ZNF665: variants seen among roughly 807,000 people sequenced by gnomAD.
The protein encoded by ZNF665 is zinc finger protein 665.
Under a neutral mutation model 7.9 loss-of-function variants are expected in ZNF665, and 6 were observed. The ratio of observed to expected loss-of-function variants is 0.76; its 90% confidence interval spans 0.42 to 1.50. The LOEUF (loss-of-function observed/expected upper bound fraction) is 1.50. ZNF665 is among the 40% of genes most tolerant of loss of function. The probability of loss-of-function intolerance (pLI) is 0.01; values close to 1 mark genes in which losing one functional copy is unlikely to be tolerated. For missense variants in ZNF665, 819 were observed against 806.7 expected, an observed-to-expected ratio of 1.02 and a Z score of -0.18; for synonymous variants, 242 against 274.5, an observed-to-expected ratio of 0.88 and a Z score of 1.17.
chr19:53,166,652 T>C (rs568783484), intron 3 of ZNF665, among the ~76,000 whole-genome samples: 1 of 152,276 alleles, frequency 6.6e-6, no homozygotes, highest in East Asian at 1.9e-4. Context: ...AGGCTACCAA[T>C]TGGCAGTATA....
At chr19:53,189,072 T>TGTGA (rs2090793883) in intron 1 of ZNF665, among the ~76,000 whole-genome samples, 1 of 151,750 alleles carries the variant, frequency 6.6e-6, no homozygotes, top group Non-Finnish European at 1.5e-5. Flanking sequence ...TGTGTGTGTG[T>TGTGA]GTGTGTGTGT....
chr19:53,178,494 C>G (rs976538256), intron 2 of ZNF665, among the ~76,000 whole-genome samples: 1 of 152,128 alleles, frequency 6.6e-6, no homozygotes, highest in Admixed American at 6.5e-5. Context: ...GAGGCCAAGG[C>G]AGGCAGATTG....
chr19:53,180,712 T>C (rs979260653), intron 2 of ZNF665: 3 of 152,158 alleles, frequency 2.0e-5, no homozygotes, highest in Non-Finnish European at 4.4e-5. Context: ...CTGAAATGCA[T>C]GAATTGTACT....
rs903778855 is a variant in ZNF665 at position 53,174,128 on chromosome 19, A to G, written c.142+1317T>C. 9.8e-5 allele frequency among the ~76,000 whole-genome samples: 15 copies of G among 152,312 alleles called. No homozygotes were observed. The South Asian group carries it at 3.1e-3, about 32-fold the overall frequency. On this transcript the variant is annotated intron_variant, in intron 3 of 3. Transcript: ENST00000396424. ...TCATGAAATGGGATAAAGTATGGAT[A>G]GAGGCACTTGCCAAAACTATGGAGT...
intron 1 of ZNF665, among the ~76,000 whole-genome samples, chr19:53,189,053 G>GTGTGTGTGTC (rs71185844): frequency 0.2 from 27,821 of 139,302 alleles, 2,980 homozygotes; most frequent in Admixed American, 0.25. Context: ...TTTATTTTCT[G>GTGTGTGTGTC]TGTGTGTGTG....
At chr19:53,185,124 C>G (rs1292630852) in intron 1 of ZNF665, among the ~76,000 whole-genome samples, 1 of 151,800 alleles carries the variant, frequency 6.6e-6, no homozygotes, top group Non-Finnish European at 1.5e-5. Context: ...TGCGGGCGAG[C>G]CTGACTGATG....
intron 1 of ZNF665, among the ~76,000 whole-genome samples, chr19:53,192,332 C>T (rs1168267346): frequency 1.3e-5 from 2 of 152,092 alleles, no homozygotes; most frequent in Non-Finnish European, 2.9e-5. Flanking sequence ...CTCCTTGTCA[C>T]CAGCTGCCCC....
rs183640210 is a variant in ZNF665 at position 53,169,785 on chromosome 19, T to C, written c.143-3438A>G. The stretch of plus-strand genomic sequence containing the variant: ...ACCTATGAGTGAGAATATGCGGTGT[T>C]TGGTTTTTTGTTCTTGCAATAGTTT... On this transcript the variant is annotated intron_variant, in intron 3 of 3. Transcript: ENST00000396424. Among the ~76,000 whole-genome samples, 1,133 of 149,726 alleles carry C rather than the reference T, an allele frequency of 7.6e-3. 7 individuals carry two copies. Among genetic ancestry groups the C allele is most frequent in the Non-Finnish European group, 0.013 (909 of 67,674 alleles).
chr19:53,165,241 A>C lies in ZNF665; in HGVS notation c.1249T>G (p.Leu417Val). Reference sequence around the variant, plus strand: ...GTATGAATTCTTCGATGATTTGCTAAGTGTGAATACTGAGTGAAAACCTTG... The same window carrying C: ...GTATGAATTCTTCGATGATTTGCTACGTGTGAATACTGAGTGAAAACCTTG... Reference protein sequence around the residue: ...CVKVFTQYSHLANHRRIHTGE... With the variant: ...CVKVFTQYSHVANHRRIHTGE... The change falls in exon 4 of 4, where the codon TTA becomes GTA. Residue 417 changes from leucine (L) to valine (V), a missense_variant. Transcript: ENST00000396424. 1 of 1,610,630 alleles carries C rather than the reference A, an allele frequency of 6.2e-7. No homozygotes were observed.
chr19:53,171,524 A>ATTT (rs1215685651), intron 3 of ZNF665, among the ~76,000 whole-genome samples: 1,610 of 69,416 alleles, frequency 0.023, 52 homozygotes, highest in Middle Eastern at 0.04. Flanking sequence ...ATATATATAT[A>ATTT]TTTTTTTTTT....
chr19:53,183,087 C>A, intron 1 of ZNF665, 144 bp from the exon 2 acceptor site: 1 of 861,018 alleles, frequency 1.2e-6, no homozygotes, highest in Non-Finnish European at 1.9e-6. Flanking sequence ...TGGTCCTCTG[C>A]TGCCCACTGC....
Position 53,182,932 on chromosome 19 carries a change from C to T in ZNF665, c.-34G>A. 6.2e-7 allele frequency: 1 copy of T among 1,607,366 alleles called. No individual in the cohort carries two copies. The highest frequency in any genetic ancestry group is 8.5e-7 in the Non-Finnish European group (1 of 1,179,736). ...CCTTTGCCTTCCTCTTCCTCTTCTTCCAGGGTTCTACCTTGGGTAACATGA... is the reference window on the plus strand; with the variant it reads ...CCTTTGCCTTCCTCTTCCTCTTCTTTCAGGGTTCTACCTTGGGTAACATGA... On this transcript the variant is annotated 5_prime_UTR_variant, in exon 2 of 4. Transcript: ENST00000396424.
At chr19:53,178,608 TAAAGAAGTACAAGA>T (rs2090714993) in intron 2 of ZNF665, among the ~76,000 whole-genome samples, 1 of 151,774 alleles carries the variant, frequency 6.6e-6, no homozygotes, top group Non-Finnish European at 1.5e-5. Flanking sequence ...TACAAACAAA[TAAAGAAGTACAAGA>T]AATGAGAGAA....
At position 53,165,656 on chromosome 19, in the gene ZNF665, A is replaced by T. The variant is rs1049410715; in HGVS notation, c.834T>A (p.Thr278=). 3 of 1,613,592 alleles carry T rather than the reference A, an allele frequency of 1.9e-6. No individual in the cohort carries two copies. Among genetic ancestry groups the T allele is most frequent in the Admixed American group, 1.7e-5 (1 of 59,952 alleles). Residue 278 remains threonine, a synonymous_variant, in exon 4 of 4, where the codon ACT becomes ACA. Coordinates refer to ENST00000396424, the MANE Select transcript of ZNF665 (RefSeq NM_024733.5). ...GKAFRAHSKL[T]THQVIHTGEK... ...CTCCAGTATGGATGACCTGATGTGT[A>T]GTTAGTTTTGAATGTGCTCTAAAGG...
rs1248642367 is a variant in ZNF665 at position 53,164,182 on chromosome 19, A to G, written c.*271T>C. On this transcript the variant is annotated 3_prime_UTR_variant, in exon 4 of 4. Transcript: ENST00000396424. Reference sequence around the variant, plus strand: ...AGATGGAGTTTCACTCCTGTTGCCCAGGCTGGAGTGCAATGGCATGATCTC... The same window carrying G: ...AGATGGAGTTTCACTCCTGTTGCCCGGGCTGGAGTGCAATGGCATGATCTC... The G allele has an allele frequency of 1.1e-5, 2 of 183,422 alleles. No homozygotes were observed. Among genetic ancestry groups the G allele is most frequent in the African/African-American group, 5.8e-5 (2 of 34,554 alleles). 11.4% of individuals were successfully genotyped at this position (183,422 alleles called of 1,614,324 possible). A position where few individuals can be genotyped will look rare whatever the true frequency, so the allele number is the denominator to read the frequency against.
chr19:53,189,022 G>A (rs1019157159), intron 1 of ZNF665, among the ~76,000 whole-genome samples: 2 of 150,672 alleles, frequency 1.3e-5, no homozygotes, highest in Admixed American at 1.3e-4. Context: ...AAAGTTGAAA[G>A]AGTAGATGAG....
chr19:53,179,878 G>A (rs532259802), intron 2 of ZNF665: 7 of 152,340 alleles, frequency 4.6e-5, no homozygotes, highest in African/African-American at 1.7e-4. Context: ...GTTGCTTGCT[G>A]TTTGTTGGTG....
In ZNF665 at chr19:53,165,653, T is replaced by C. The variant is rs375666525; in HGVS notation, c.837A>G (p.Thr279=). 61 of 1,612,948 alleles carry C rather than the reference T, an allele frequency of 3.8e-5. No homozygotes were observed. The highest frequency in any genetic ancestry group is 1.7e-4 in the Admixed American group (10 of 59,898). Residue 279 remains threonine (T), a synonymous_variant, in exon 4 of 4, where the codon ACA becomes ACG. Transcript: ENST00000396424. ...TTTCTCCAGTATGGATGACCTGATGTGTAGTTAGTTTTGAATGTGCTCTAA... is the reference window on the plus strand; with the variant it reads ...TTTCTCCAGTATGGATGACCTGATGCGTAGTTAGTTTTGAATGTGCTCTAA... ...KAFRAHSKLT[T]HQVIHTGEKP...
At chr19:53,174,941 G>A (rs1217639135) in intron 3 of ZNF665, among the ~76,000 whole-genome samples, 6 of 120,738 alleles carry the variant, frequency 5.0e-5, no homozygotes, top group Non-Finnish European at 6.6e-5. Flanking sequence ...GTGAAACTCC[G>A]TCTCAAAAAA....
Sources: allele counts gnomAD v4.1 joint callset (sites outside exome capture counted in the v4.1 genomes callset), GRCh38; gene constraint gnomAD v4.1.1; transcripts MANE v1.5; gene names NCBI Gene and HGNC (gene_info 2026-07-23, HGNC 2026-07-21).